FILIP1: variants seen among roughly 807,000 people sequenced by gnomAD.
FILIP1 encodes filamin-A-interacting protein 1.
Under a neutral mutation model 102.1 loss-of-function variants are expected in FILIP1, and 61 were observed. The ratio of observed to expected loss-of-function variants is 0.60; its 90% CI spans 0.49 to 0.74. FILIP1 has a LOEUF of 0.74. Ranked by LOEUF, FILIP1 falls within the 30% of genes least tolerant of loss-of-function variation. The pLI is 0.00. For synonymous variants in FILIP1, 491 were observed against 526.9 expected, an observed-to-expected ratio of 0.93 and a Z score of 0.93; for missense variants, 1,314 against 1,441.2, an observed-to-expected ratio of 0.91 and a Z score of 1.43.
intron 1 of FILIP1, among the ~76,000 whole-genome samples, chr6:75,431,573 T>C (rs371320089): frequency 6.6e-6 from 1 of 152,178 alleles, no homozygotes; most frequent in Admixed American, 6.5e-5. Context: ...TTGCCTTGAG[T>C]CGTTCATATG....
At chr6:75,400,855 A>G (rs920159286) in intron 2 of FILIP1, among the ~76,000 whole-genome samples, 5 of 152,172 alleles carry the variant, frequency 3.3e-5, no homozygotes, top group African/African-American at 1.2e-4. Context: ...GGCAATGAAC[A>G]GAGTATTTTT....
chr6:75,319,013 CTG>C (rs984549252), intron 4 of FILIP1: 21 of 655,562 alleles, frequency 3.2e-5, no homozygotes, highest in Non-Finnish European at 4.6e-5. Flanking sequence ...TGAAAAAAAA[CTG>C]TGCTAGAACC....
At chr6:75,383,171 C>A (rs1248409587) in intron 2 of FILIP1, among the ~76,000 whole-genome samples, 1 of 152,090 alleles carries the variant, frequency 6.6e-6, no homozygotes, top group African/African-American at 2.4e-5. Flanking sequence ...TCTGTGGAAT[C>A]AGGGCACTTG....
intron 1 of FILIP1, among the ~76,000 whole-genome samples, chr6:75,459,495 C>T (rs1778950750): frequency 6.6e-6 from 1 of 152,100 alleles, no homozygotes; most frequent in Non-Finnish European, 1.5e-5. Context: ...AGAGTTTCCT[C>T]CTTCCTTCTC....
intron 6 of FILIP1, among the ~76,000 whole-genome samples, chr6:75,302,329 C>G (rs982766868): frequency 1.3e-5 from 2 of 152,098 alleles, no homozygotes; most frequent in African/African-American, 4.8e-5. Context: ...TAGTTCCTTC[C>G]ACGTCATTCT....
At chr6:75,386,247 G>A (rs1254080798) in intron 2 of FILIP1, 1 of 152,184 alleles carries the variant, frequency 6.6e-6, no homozygotes, top group Non-Finnish European at 1.5e-5. Flanking sequence ...TGAAAGCATG[G>A]TGAAGATGAC....
At chr6:75,297,684 G>C (rs1772720186) in intron 6 of FILIP1, among the ~76,000 whole-genome samples, 1 of 151,950 alleles carries the variant, frequency 6.6e-6, no homozygotes, top group Admixed American at 6.6e-5. Flanking sequence ...TTAAAAATTA[G>C]CATCCAAAAT....
chr6:75,466,752 C>G (rs1779180589), intron 1 of FILIP1, among the ~76,000 whole-genome samples: 1 of 152,212 alleles, frequency 6.6e-6, no homozygotes, highest in African/African-American at 2.4e-5. Flanking sequence ...CTGTCTAGTA[C>G]AGTAGCCCCT....
intron 4 of FILIP1, among the ~76,000 whole-genome samples, chr6:75,324,993 A>G (rs141284878): frequency 0.011 from 1,628 of 152,364 alleles, 21 homozygotes; most frequent in Non-Finnish European, 0.012. Context: ...CTAGAAGATA[A>G]CATTGGAAAA....
intron 2 of FILIP1, among the ~76,000 whole-genome samples, chr6:75,397,751 C>T (rs140140072): frequency 2.0e-3 from 298 of 152,182 alleles, no homozygotes; most frequent in South Asian, 5.8e-3. Flanking sequence ...GCCTGTGAGA[C>T]GGATTCCTTC....
At chr6:75,294,623 A>G (rs542082174) in exon 7 of FILIP1, 11 of 152,220 alleles carry the variant, frequency 7.2e-5, no homozygotes, top group Non-Finnish European at 1.2e-4. Flanking sequence ...TCAAGGGGAA[A>G]AAAGTTATCG....
intron 2 of FILIP1, among the ~76,000 whole-genome samples, chr6:75,390,202 C>T (rs746698126): frequency 6.6e-6 from 1 of 152,136 alleles, no homozygotes; most frequent in Non-Finnish European, 1.5e-5. Context: ...CTCCTTGTAC[C>T]AATGGGCCTG....
At chr6:75,293,755 T>C (rs1772597935) in exon 7 of FILIP1, 1 of 152,232 alleles carries the variant, frequency 6.6e-6, no homozygotes, top group South Asian at 2.1e-4. Flanking sequence ...GTTGAGAAAG[T>C]TATTTGCTTC....
chr6:75,387,333 T>C (rs1439950199), intron 2 of FILIP1, among the ~76,000 whole-genome samples: 1 of 152,168 alleles, frequency 6.6e-6, no homozygotes, highest in East Asian at 1.9e-4. Context: ...CTATTGTGAA[T>C]AGTGCTGCAA....
chr6:75,440,679 G>T (rs943100884), intron 1 of FILIP1, among the ~76,000 whole-genome samples: 1 of 152,104 alleles, frequency 6.6e-6, no homozygotes, highest in East Asian at 1.9e-4. Flanking sequence ...ATGACAGGCC[G>T]GACGCAGTGG....
chr6:75,470,709 A>T (rs1779302980), intron 1 of FILIP1, among the ~76,000 whole-genome samples: 2 of 152,174 alleles, frequency 1.3e-5, no homozygotes, highest in African/African-American at 4.8e-5. Context: ...TAAAAAATAA[A>T]AGTTTGATTT....
At chr6:75,389,262 G>T (rs1381697707) in intron 2 of FILIP1, among the ~76,000 whole-genome samples, 1 of 152,190 alleles carries the variant, frequency 6.6e-6, no homozygotes, top group South Asian at 2.1e-4. Context: ...TGTGCTACTG[G>T]ATTCAGTTTG....
intron 2 of FILIP1, among the ~76,000 whole-genome samples, chr6:75,375,061 G>T (rs1184537008): frequency 6.6e-6 from 1 of 152,186 alleles, no homozygotes; most frequent in Admixed American, 6.5e-5. Context: ...CACCATTTTG[G>T]TTGAAGGACA....
chr6:75,408,140 A>C (rs892441006), intron 2 of FILIP1, among the ~76,000 whole-genome samples: 2 of 152,226 alleles, frequency 1.3e-5, no homozygotes, highest in African/African-American at 2.4e-5. Context: ...GAGAATAAGA[A>C]TGTTCCAATT....
Sources: gnomAD v4.1 joint callset for allele counts (sites outside exome capture counted in the v4.1 genomes callset) on GRCh38, gnomAD v4.1.1 for gene constraint, MANE v1.5 for transcripts, NCBI Gene and HGNC (gene_info 2026-07-23, HGNC 2026-07-21) for gene names.